Variants in CLDN16 observed in about 807,000 individuals in gnomAD.
The protein encoded by CLDN16 is claudin-16.
Under a neutral mutation model 24.6 loss-of-function variants are expected in CLDN16, and 13 were observed. The ratio of observed to expected loss-of-function variants is 0.53; its 90% confidence interval spans 0.34 to 0.84. CLDN16 has a LOEUF of 0.84. Ranked by LOEUF, CLDN16 falls within the 40% of genes least tolerant of loss-of-function variation. The pLI is 0.01. For synonymous variants in CLDN16, 116 were observed against 106.7 expected, an observed-to-expected ratio of 1.09 and a Z score of -0.54; for missense variants, 298 against 292.7, an observed-to-expected ratio of 1.02 and a Z score of -0.13.
Position 190,410,313 on chromosome 3 carries a change from T to C in CLDN16, c.*277T>C. On this transcript the variant is annotated 3_prime_UTR_variant, in exon 5 of 5. Transcript: ENST00000264734. Reference sequence around the variant, plus strand: ...TGTAGAAATATTTGTTTGTGATTTCTATATAGCTATTAGAGATTATGACAT... The same window carrying C: ...TGTAGAAATATTTGTTTGTGATTTCCATATAGCTATTAGAGATTATGACAT... 2.4e-6 allele frequency: 1 copy of C among 418,048 alleles called. No individual in the cohort carries two copies. The highest frequency in any genetic ancestry group is 4.4e-6 in the Non-Finnish European group (1 of 227,158). The allele number at this position is 418,048 out of a possible 1,614,324, so 25.9% of individuals were successfully genotyped here. A position where few individuals can be genotyped will look rare whatever the true frequency, so the allele number is the denominator to read the frequency against.
At chr3:190,310,130 T>A in the CLDN16 span, 1 of 1,551,254 alleles carries the variant, frequency 6.4e-7, no homozygotes, top group African/African-American at 1.4e-5. Flanking sequence ...AAGGGCATTT[T>A]CTCAGAAAAC....
chr3:190,308,226 A>C, the CLDN16 span: 1 of 1,598,396 alleles, frequency 6.3e-7, no homozygotes. Context: ...ATAGTATCTC[A>C]ATGTCCATTT....
upstream of CLDN16, among the ~76,000 whole-genome samples, chr3:190,319,193 A>C (rs576905879): frequency 6.6e-6 from 1 of 152,292 alleles, no homozygotes; most frequent in South Asian, 2.1e-4. Context: ...GAGCTTCCTA[A>C]AAGTTTGAGA....
intron 1 of CLDN16, among the ~76,000 whole-genome samples, chr3:190,337,002 C>T (rs761222913): frequency 6.6e-6 from 1 of 152,230 alleles, no homozygotes; most frequent in Admixed American, 6.5e-5. Flanking sequence ...AATCAGCTCA[C>T]ACTTGTAACC....
intron 3 of CLDN16, among the ~76,000 whole-genome samples, chr3:190,378,801 G>T (rs1184722988): frequency 1.3e-5 from 2 of 151,968 alleles, no homozygotes; most frequent in Non-Finnish European, 2.9e-5. Flanking sequence ...GTTCTACTTT[G>T]CTTGTCTTGG....
chr3:190,341,508 C>T (rs1717432956), intron 1 of CLDN16, among the ~76,000 whole-genome samples: 1 of 152,132 alleles, frequency 6.6e-6, no homozygotes, highest in African/African-American at 2.4e-5. Flanking sequence ...CCCTAGGCTG[C>T]ACACAGCAGA....
At chr3:190,391,573 T>A (rs1718675971) in intron 1 of CLDN16, among the ~76,000 whole-genome samples, 1 of 152,118 alleles carries the variant, frequency 6.6e-6, no homozygotes, top group African/African-American at 2.4e-5. Context: ...TGAAACGATG[T>A]AAAGCATTTC....
intron 1 of CLDN16, among the ~76,000 whole-genome samples, chr3:190,330,553 C>G (rs1218174707): frequency 7.0e-6 from 1 of 143,814 alleles, no homozygotes; most frequent in Non-Finnish European, 1.6e-5. Context: ...CTTTCATCAT[C>G]CGGTGGTGGT....
At chr3:190,301,810 C>A in the CLDN16 span, among the ~76,000 whole-genome samples, 1 of 152,130 alleles carries the variant, frequency 6.6e-6, no homozygotes, top group Non-Finnish European at 1.5e-5. Flanking sequence ...TTGTAATAAC[C>A]TTCTATATGA....
At chr3:190,319,762 C>T (rs1340708739), upstream of CLDN16, among the ~76,000 whole-genome samples, 1 of 152,178 alleles carries the variant, frequency 6.6e-6, no homozygotes, top group East Asian at 1.9e-4. Context: ...CCCTTTTCAT[C>T]TCTACATGTA....
intron 1 of CLDN16, among the ~76,000 whole-genome samples, chr3:190,360,589 A>C (rs1255457112): frequency 6.6e-6 from 1 of 151,986 alleles, no homozygotes; most frequent in Non-Finnish European, 1.5e-5. Flanking sequence ...CCATTACATT[A>C]TTAATTATAA....
intron 1 of CLDN16, among the ~76,000 whole-genome samples, chr3:190,337,860 C>T (rs1717346065): frequency 2.0e-5 from 3 of 152,118 alleles, no homozygotes; most frequent in Non-Finnish European, 4.4e-5. Context: ...GCAAAGGAAG[C>T]CTGGTAGTGG....
chr3:190,350,086 C>T (rs1056685170), intron 1 of CLDN16, among the ~76,000 whole-genome samples: 2 of 152,006 alleles, frequency 1.3e-5, no homozygotes, highest in Admixed American at 6.6e-5. Context: ...AGGCACAGGG[C>T]AGGGCATGGA....
chr3:190,358,102 G>T (rs1717815037), intron 1 of CLDN16, among the ~76,000 whole-genome samples: 1 of 151,834 alleles, frequency 6.6e-6, no homozygotes, highest in South Asian at 2.1e-4. Flanking sequence ...CGAAAAAAAA[G>T]AAAAGAATCT....
intron 1 of CLDN16, among the ~76,000 whole-genome samples, chr3:190,346,201 C>T (rs1717546209): frequency 6.6e-6 from 1 of 151,058 alleles, no homozygotes; most frequent in African/African-American, 2.4e-5. Flanking sequence ...GAGGGAACCA[C>T]ATGTTAGAAT....
At chr3:190,356,578 T>A (rs559504594) in intron 1 of CLDN16, among the ~76,000 whole-genome samples, 2 of 151,990 alleles carry the variant, frequency 1.3e-5, no homozygotes, top group East Asian at 1.9e-4. Flanking sequence ...TAAAACCCAA[T>A]GTTATTCATA....
At chr3:190,310,755 A>G in the CLDN16 span, among the ~76,000 whole-genome samples, 1 of 152,146 alleles carries the variant, frequency 6.6e-6, no homozygotes, top group African/African-American at 2.4e-5. Context: ...AATGGACCAG[A>G]ATACCTGCAT....
At chr3:190,336,533 G>C (rs1717309735) in intron 1 of CLDN16, among the ~76,000 whole-genome samples, 3 of 152,200 alleles carry the variant, frequency 2.0e-5, no homozygotes, top group African/African-American at 7.2e-5. Context: ...AAGTGCTGTG[G>C]AAAGTTCCCC....
In CLDN16 at chr3:190,408,317, C is replaced by A. The variant is rs1202664145; in HGVS notation, c.386C>A (p.Thr129Asn). The A allele has an allele frequency of 6.2e-7, 1 of 1,613,804 alleles. No individual in the cohort carries two copies. Among genetic ancestry groups the A allele is most frequent in the Non-Finnish European group, 8.5e-7 (1 of 1,179,758 alleles). Residue 129 changes from threonine to asparagine, a missense_variant, in exon 4 of 5, where the codon ACC (threonine) becomes AAC (asparagine). By Grantham distance (65) the Thr-to-Asn change is moderately conservative. Transcript: ENST00000264734. ...VAGATLLIAG[T>N]PGIIGSVWYA... is the part of the protein sequence containing the mutation. ...TAGCATCCTCCCTTTCTTTCAGGTACCCCAGGAATCATTGGCTCTGTGTGG... is the reference window on the plus strand; with the variant it reads ...TAGCATCCTCCCTTTCTTTCAGGTAACCCAGGAATCATTGGCTCTGTGTGG...
Sources: allele counts gnomAD v4.1 joint callset (sites outside exome capture counted in the v4.1 genomes callset), GRCh38; gene constraint gnomAD v4.1.1; transcripts MANE v1.5; gene names NCBI Gene and HGNC (gene_info 2026-07-23, HGNC 2026-07-21).